Variants in LOC128092252 observed in about 807,000 individuals in gnomAD.
the LOC128092252 span, among the ~76,000 whole-genome samples, chr15:50,651,123 G>T: frequency 6.6e-6 from 1 of 152,078 alleles, no homozygotes; most frequent in Non-Finnish European, 1.5e-5. Flanking sequence ...GGAGGCAGAG[G>T]TTGCAGTCAA....
chr15:50,671,039 T>G, the LOC128092252 span, among the ~76,000 whole-genome samples: 2 of 152,290 alleles, frequency 1.3e-5, no homozygotes, highest in East Asian at 3.9e-4. Flanking sequence ...TCATATACAT[T>G]GCCTCACATA....
At chr15:50,657,725 T>C in the LOC128092252 span, 5 of 1,450,530 alleles carry the variant, frequency 3.4e-6, no homozygotes, top group Non-Finnish European at 4.8e-6. Flanking sequence ...ATATTTCTAA[T>C]AGATTAGTTT....
At chr15:50,679,097 C>CA in the LOC128092252 span, among the ~76,000 whole-genome samples, 1 of 136,474 alleles carries the variant, frequency 7.3e-6, no homozygotes, top group African/African-American at 2.9e-5. Context: ...TGGTCTCGAT[C>CA]TCTTGACCTG....
the LOC128092252 span, among the ~76,000 whole-genome samples, chr15:50,681,919 C>T: frequency 2.0e-5 from 3 of 152,048 alleles, no homozygotes; most frequent in Non-Finnish European, 4.4e-5. Flanking sequence ...CGGTGGCTCA[C>T]GCCTGTAATC....
chr15:50,652,525 CA>C, the LOC128092252 span, among the ~76,000 whole-genome samples: 56,499 of 127,898 alleles, frequency 0.44, 11,777 homozygotes, highest in Admixed American at 0.53. Context: ...GACTCTGTCT[CA>C]AAAAAAAAAA....
chr15:50,657,685 T>C, the LOC128092252 span: 1 of 1,092,286 alleles, frequency 9.2e-7, no homozygotes, highest in Non-Finnish European at 1.4e-6. Flanking sequence ...TATAATAGCA[T>C]GTGAGTTTCA....
chr15:50,657,847 T>C, the LOC128092252 span: 1 of 1,591,810 alleles, frequency 6.3e-7, no homozygotes. Context: ...GTAAATAAAT[T>C]ATTTCAGGTG....
chr15:50,676,579 A>G, the LOC128092252 span, among the ~76,000 whole-genome samples: 2 of 151,974 alleles, frequency 1.3e-5, no homozygotes, highest in African/African-American at 4.8e-5. Flanking sequence ...TTTTTAATAA[A>G]AAGATAAAAA....
chr15:50,679,528 A>ATTATATATATGTG, the LOC128092252 span, among the ~76,000 whole-genome samples: 10 of 47,366 alleles, frequency 2.1e-4, no homozygotes, highest in South Asian at 2.6e-3. Flanking sequence ...ATATATATAT[A>ATTATATATATGTG]TATATATATA....
At chr15:50,664,715 C>G in the LOC128092252 span, among the ~76,000 whole-genome samples, 1 of 152,170 alleles carries the variant, frequency 6.6e-6, no homozygotes, top group South Asian at 2.1e-4. Flanking sequence ...GCCTGTAACC[C>G]CAGCACTCTG....
At chr15:50,671,042 C>T in the LOC128092252 span, among the ~76,000 whole-genome samples, 391 of 152,184 alleles carry the variant, frequency 2.6e-3, 7 homozygotes, top group Non-Finnish European at 3.5e-4. Flanking sequence ...TATACATTGC[C>T]TCACATACTA....
the LOC128092252 span, among the ~76,000 whole-genome samples, chr15:50,653,124 A>G: frequency 3.3e-5 from 5 of 152,174 alleles, no homozygotes; most frequent in Non-Finnish European, 5.9e-5. Flanking sequence ...AGTCTGGGCC[A>G]CAGAGTGAGA....
At chr15:50,674,468 G>GTA in the LOC128092252 span, among the ~76,000 whole-genome samples, 21 of 152,258 alleles carry the variant, frequency 1.4e-4, no homozygotes, top group East Asian at 4.1e-3. Context: ...ATGTCACAAT[G>GTA]TATATGTTTT....
Sources: allele counts gnomAD v4.1 joint callset (sites outside exome capture counted in the v4.1 genomes callset), GRCh38; gene constraint gnomAD v4.1.1; transcripts MANE v1.5.